ARRDC5: variants seen among roughly 807,000 people sequenced by gnomAD.
ARRDC5 encodes arrestin domain containing 5.
In ARRDC5, 12 loss-of-function variants were observed where a neutral mutation model predicts 13.3. The ratio of observed to expected loss-of-function variants is 0.90; its 90% CI spans 0.58 to 1.46. ARRDC5 has a LOEUF of 1.46. Among genes scored for constraint, ARRDC5 ranks in the 40% most tolerant of loss-of-function variants. The pLI, the probability that ARRDC5 is intolerant of heterozygous loss-of-function variation, is 0.00. For synonymous variants in ARRDC5, 181 were observed against 173.4 expected, an observed-to-expected ratio of 1.04 and a Z score of -0.34; for missense variants, 406 against 418.7, an observed-to-expected ratio of 0.97 and a Z score of 0.26.
chr19:4,896,321 AAAAAAAAAATATATAT>A (rs1207475425), intron 2 of ARRDC5, among the ~76,000 whole-genome samples: 1 of 69,944 alleles, frequency 1.4e-5, no homozygotes, highest in African/African-American at 7.3e-5. Flanking sequence ...CTCAAAAAAA[AAAAAAAAAATATATAT>A]ATATATATAT....
the ARRDC5 span, chr19:4,909,288 T>C: frequency 7.4e-6 from 4 of 540,278 alleles, no homozygotes; most frequent in South Asian, 2.3e-5. Context: ...CGCAGCCCCT[T>C]TGCACGCTGG....
At position 4,899,914 on chromosome 19, in the gene ARRDC5, G is replaced by A. The variant is rs530412664; in HGVS notation, c.253+2659C>T. 2.2e-3 allele frequency among the ~76,000 whole-genome samples: 334 copies of A among 149,856 alleles called. 1 individual carries two copies. Among genetic ancestry groups the A allele is most frequent in the Non-Finnish European group, 2.9e-3 (193 of 67,634 alleles). ...AGATTGCACCACTGCACTCCACGCT[G>A]GGCGACAGAGGAGACTCCGTCTCCA... On this transcript the variant is annotated intron_variant, in intron 1 of 2. Coordinates refer to ENST00000650722, the MANE Select transcript of ARRDC5 (RefSeq NM_001080523.3).
chr19:4,896,788 G>A lies in ARRDC5; in HGVS notation c.342C>T (p.Gly114=). The A allele has an allele frequency of 1.9e-6, 3 of 1,613,780 alleles. No homozygotes were observed. Among genetic ancestry groups the A allele is most frequent in the Non-Finnish European group, 2.5e-6 (3 of 1,179,768 alleles). ...AAGCTTGTACGAAATAGAAGACATG[G>A]CCAAATTTGCTGGTGAAGGTAGAAG... ...RLPSTFTSKF[G]HVFYFVQASC... Residue 114 remains glycine (G), a synonymous_variant, in exon 2 of 3, where the codon GGC becomes GGT. Coordinates refer to ENST00000650722, the MANE Select transcript of ARRDC5 (RefSeq NM_001080523.3).
chr19:4,892,624 G>T (rs755744929), intron 2 of ARRDC5, among the ~76,000 whole-genome samples: 2 of 151,952 alleles, frequency 1.3e-5, no homozygotes, highest in Non-Finnish European at 2.9e-5. Flanking sequence ...CTCCCAAAGT[G>T]CTGGGATTAC....
the ARRDC5 span, among the ~76,000 whole-genome samples, chr19:4,913,865 G>A: frequency 3.0e-5 from 4 of 134,580 alleles, no homozygotes; most frequent in Non-Finnish European, 4.6e-5. Context: ...AAGGTGGAGT[G>A]CAATTGCGTG....
At chr19:4,915,062 A>G in the ARRDC5 span, among the ~76,000 whole-genome samples, 1 of 152,238 alleles carries the variant, frequency 6.6e-6, no homozygotes, top group Non-Finnish European at 1.5e-5. Context: ...CCTACCAGTC[A>G]TGACAACCAC....
At chr19:4,902,047 C>T (rs2031936622) in intron 1 of ARRDC5, among the ~76,000 whole-genome samples, 2 of 152,110 alleles carry the variant, frequency 1.3e-5, no homozygotes, top group Admixed American at 1.3e-4. Context: ...CCAGCACGCC[C>T]AGCTAATTTT....
At chr19:4,915,964 A>G in the ARRDC5 span, among the ~76,000 whole-genome samples, 1 of 152,126 alleles carries the variant, frequency 6.6e-6, no homozygotes, top group Non-Finnish European at 1.5e-5. Context: ...GAATGATCCA[A>G]TAGCCCCAGG....
rs1017919190 is a variant in ARRDC5, at chr19:4,890,636, C to T, written c.*410G>A. The T allele has an allele frequency of 1.1e-4, 24 of 225,988 alleles. No individual in the cohort carries two copies. The highest frequency in any genetic ancestry group is 1.9e-4 in the Non-Finnish European group (21 of 113,220). 14.0% of individuals were successfully genotyped at this position (225,988 alleles called of 1,614,324 possible). A position where few individuals can be genotyped will look rare whatever the true frequency, so the allele number is the denominator to read the frequency against. On this transcript the variant is annotated 3_prime_UTR_variant, in exon 3 of 3. Coordinates refer to ENST00000650722, the MANE Select transcript of ARRDC5 (RefSeq NM_001080523.3). Reference sequence around the variant, plus strand: ...CTGGACACTGCAGGGTGCTGAACAGCGTCCCTGGCCTCCACCCTCTCCACG... The same window carrying T: ...CTGGACACTGCAGGGTGCTGAACAGTGTCCCTGGCCTCCACCCTCTCCACG...
At chr19:4,905,506 A>ATTAT (rs530528534), upstream of ARRDC5, among the ~76,000 whole-genome samples, 172 of 149,558 alleles carry the variant, frequency 1.2e-3, no homozygotes, top group African/African-American at 2.8e-3. Context: ...AGTGTATTTT[A>ATTAT]TTATTTATTT....
the ARRDC5 span, among the ~76,000 whole-genome samples, chr19:4,911,861 G>T: frequency 3.9e-5 from 6 of 152,080 alleles, no homozygotes; most frequent in Non-Finnish European, 8.8e-5. Flanking sequence ...TGGTTGGACC[G>T]TGGGGACGGG....
chr19:4,912,568 T>G, the ARRDC5 span, among the ~76,000 whole-genome samples: 10 of 152,250 alleles, frequency 6.6e-5, no homozygotes, highest in Non-Finnish European at 1.3e-4. Flanking sequence ...GCCATGTAGA[T>G]TTCACCATCG....
the ARRDC5 span, among the ~76,000 whole-genome samples, chr19:4,916,172 G>A: frequency 5.0e-3 from 760 of 152,256 alleles, 4 homozygotes; most frequent in African/African-American, 0.017. Context: ...CGGGCATGGT[G>A]GCGCATGCCT....
intron 1 of ARRDC5, among the ~76,000 whole-genome samples, chr19:4,898,573 G>A (rs1457205574): frequency 6.6e-6 from 1 of 151,922 alleles, no homozygotes; most frequent in African/African-American, 2.4e-5. Flanking sequence ...TGTTGGCCAG[G>A]CTGGTCTCGA....
chr19:4,908,227 G>A, the ARRDC5 span, among the ~76,000 whole-genome samples: 4 of 152,134 alleles, frequency 2.6e-5, no homozygotes, highest in Non-Finnish European at 4.4e-5. Context: ...ACAGATCCTG[G>A]GGGCGAGGAC....
intron 2 of ARRDC5, among the ~76,000 whole-genome samples, chr19:4,892,001 A>G (rs566418829): frequency 1.8e-4 from 27 of 151,636 alleles, no homozygotes; most frequent in Non-Finnish European, 3.2e-4. Context: ...TCCTAGGAAG[A>G]GGCATTAAGA....
rs370329197 is a variant in ARRDC5 at position 4,891,322 on chromosome 19, C to T, written c.711G>A (p.Leu237=). The T allele has an allele frequency of 1.9e-6, 3 of 1,613,930 alleles. No homozygotes were observed. The highest frequency in any genetic ancestry group is 2.5e-6 in the Non-Finnish European group (3 of 1,179,884). ...TCACGGGGGTGTTGGCCTCCTGCCT[C>T]AGAAGCTCGCTGCTGTCCAGCCGAG... ...RRSRLDSSEL[L]RQEANTPVTR... The change falls in exon 3 of 3, where the codon CTG becomes CTA. Residue 237 remains leucine (L), a synonymous_variant. Transcript: ENST00000650722.
In ARRDC5 at chr19:4,890,841, C is replaced by A; in HGVS notation, c.*205G>T. On this transcript the variant is annotated 3_prime_UTR_variant, in exon 3 of 3. Coordinates refer to ENST00000650722, the MANE Select transcript of ARRDC5 (RefSeq NM_001080523.3). ...TATGCCGGGTTTGGGTCCTGGGAGA[C>A]CTTCCCGGTTTCCTTTGTCCATTCC... The A allele has an allele frequency of 1.8e-6, 1 of 553,636 alleles. No homozygotes were observed. The highest frequency in any genetic ancestry group is 3.2e-6 in the Non-Finnish European group (1 of 314,898). The allele number at this position is 553,636 out of a possible 1,614,324, so 34.3% of individuals were successfully genotyped here. A position where few individuals can be genotyped will look rare whatever the true frequency, so the allele number is the denominator to read the frequency against.
At chr19:4,899,764 C>CAAAA (rs1217500792) in intron 1 of ARRDC5, among the ~76,000 whole-genome samples, 4,016 of 67,672 alleles carry the variant, frequency 0.059, 326 homozygotes, top group African/African-American at 0.11. Context: ...CCCGTCTCTA[C>CAAAA]AAAAAAAAAA....
Sources: gnomAD v4.1 joint callset for allele counts (sites outside exome capture counted in the v4.1 genomes callset) on GRCh38, gnomAD v4.1.1 for gene constraint, MANE v1.5 for transcripts, NCBI Gene and HGNC (gene_info 2026-07-23, HGNC 2026-07-21) for gene names.